Variants in USP22 observed in about 807,000 individuals in gnomAD.
USP22 encodes the protein ubiquitin specific peptidase 22.
USP22 carries 22 observed loss-of-function variants against 68.1 expected under a neutral mutation model. That is an observed-to-expected ratio of 0.32 (90% CI 0.23 to 0.46). The LOEUF (loss-of-function observed/expected upper bound fraction) is 0.46, where lower values mean the gene tolerates loss of function less well. Among genes scored for constraint, USP22 ranks in the 20% least tolerant of loss-of-function variants. The pLI is 1.00. For missense variants in USP22, 433 were observed against 695.8 expected (o/e 0.62, Z 4.25); for synonymous variants, 279 against 274.2 (o/e 1.02, Z -0.17).
At chr17:21,038,897 A>C (rs747580568) in intron 1 of USP22, among the ~76,000 whole-genome samples, 1 of 152,192 alleles carries the variant, frequency 6.6e-6, no homozygotes, top group Non-Finnish European at 1.5e-5. Flanking sequence ...TTTAACACAC[A>C]CCAAAAACAC....
Position 21,003,733 on chromosome 17 carries a change from C to G in USP22, c.1535+469G>C, listed in dbSNP as rs375953733. Among the ~76,000 whole-genome samples the G allele has an allele frequency of 7.2e-5, 11 of 152,230 alleles. No homozygotes were observed. In the South Asian group the frequency reaches 2.3e-3, roughly 32 times the overall value. ...CCTGGTCAACATGGTGAAACCCCAT[C>G]TCTACTAAAATACAAAAGTAGGCAG... On this transcript the variant is annotated intron_variant, in intron 12 of 12. Coordinates refer to ENST00000261497, the MANE Select transcript of USP22 (RefSeq NM_015276.2).
In USP22 at chr17:21,015,518, C is replaced by T. The variant is rs140808491; in HGVS notation, c.838+234G>A. 3.0e-4 allele frequency: 157 copies of T among 527,816 alleles called. 3 individuals carry two copies. The East Asian group carries it at 5.2e-3, about 17-fold the overall frequency. The allele number at this position is 527,816 out of a possible 1,614,324, so 32.7% of individuals were successfully genotyped here. A position where few individuals can be genotyped will look rare whatever the true frequency, so the allele number is the denominator to read the frequency against. On this transcript the variant is annotated intron_variant, in intron 6 of 12. Transcript: ENST00000261497. ...TTCACTGTGATCGGTCACTGAGGAC[C>T]TGTCATACTGCTGGAACTACTTCCT...
At chr17:21,030,813 A>G (rs1223781200) in intron 1 of USP22, among the ~76,000 whole-genome samples, 1 of 152,246 alleles carries the variant, frequency 6.6e-6, no homozygotes, top group Non-Finnish European at 1.5e-5. Context: ...TGAATCCTAT[A>G]CGCCAATTTT....
chr17:21,022,811 A>AC (rs1404357265), intron 2 of USP22, among the ~76,000 whole-genome samples: 1 of 149,692 alleles, frequency 6.7e-6, no homozygotes, highest in African/African-American at 2.4e-5. Flanking sequence ...AAAAAAAAAA[A>AC]AACCAAATGA....
chr17:21,010,663 CA>C (rs36003717), intron 8 of USP22, among the ~76,000 whole-genome samples: 1,568 of 107,444 alleles, frequency 0.015, 8 homozygotes, highest in Middle Eastern at 0.056. Context: ...AACTCTGTCT[CA>C]AAAAAAAAAA....
rs1972462710 is a variant in USP22 at position 21,042,992 on chromosome 17, C to T, written c.-157G>A. ...CCGGACAAAGATGGGGCTGCGCGAT[C>T]GCCGAGGGGAGGCTGCAAGGCAGGC... On this transcript the variant is annotated 5_prime_UTR_variant, in exon 1 of 13. Transcript: ENST00000261497. 1 of 367,414 alleles carries T rather than the reference C, an allele frequency of 2.7e-6. No individual in the cohort carries two copies. The highest frequency in any genetic ancestry group is 4.8e-5 in the East Asian group (1 of 20,650). The allele number at this position is 367,414 out of a possible 1,614,324, so 22.8% of individuals were successfully genotyped here.
intron 1 of USP22, among the ~76,000 whole-genome samples, chr17:21,037,307 T>TA (rs1262223645): frequency 2.0e-5 from 3 of 152,184 alleles, no homozygotes; most frequent in Non-Finnish European, 4.4e-5. Context: ...CCCACCCCGG[T>TA]AGAGTACCTA....
Position 21,002,051 on chromosome 17 carries a change from A to G in USP22, c.*980T>C, listed in dbSNP as rs2097282462. 1 of 152,260 alleles carries G rather than the reference A, an allele frequency of 6.6e-6. No homozygotes were observed. The highest frequency in any genetic ancestry group is 6.5e-5 in the Admixed American group (1 of 15,280). 9.4% of individuals were successfully genotyped at this position (152,260 alleles called of 1,614,324 possible). A position where few individuals can be genotyped will look rare whatever the true frequency, so the allele number is the denominator to read the frequency against. On this transcript the variant is annotated 3_prime_UTR_variant, in exon 13 of 13. Coordinates refer to ENST00000261497, the MANE Select transcript of USP22 (RefSeq NM_015276.2). ...GGCAGCGGTAGCCAGGCAATGGGAT[A>G]GAAGGCAAAGAAAATACGAGGGACA...
rs540657496 is a variant in USP22, at chr17:21,028,775, G to A, written c.172-101C>T. On this transcript the variant is annotated intron_variant, in intron 1 of 12. Transcript: ENST00000261497. The stretch of plus-strand genomic sequence containing the variant: ...CATCCCCCCGAGACAGCTACTGGAA[G>A]AAAGGACAGGGAATTCCATCTTCAA... 2.5e-5 allele frequency: 35 copies of A among 1,411,444 alleles called. No homozygotes were observed. The South Asian group carries it at 4.4e-4, about 18-fold the overall frequency. The allele number at this position is 1,411,444 out of a possible 1,614,324, so 87.4% of individuals were successfully genotyped here.
Position 21,028,541 on chromosome 17 carries a change from C to T in USP22, c.304+1G>A, listed in dbSNP as rs1438721946. 6.2e-7 allele frequency: 1 copy of T among 1,613,850 alleles called. No individual in the cohort carries two copies. The highest frequency in any genetic ancestry group is 1.7e-5 in the Admixed American group (1 of 59,994). On this transcript the variant is annotated splice_donor_variant, in intron 2 of 12. Transcript: ENST00000261497. LOFTEE classifies it high-confidence loss of function. ...CCCCCCATCCCAGAAGCTCGCCTCACCCAGGTTGTGCCGCTTCGCCTTCGC... is the reference window on the plus strand; with the variant it reads ...CCCCCCATCCCAGAAGCTCGCCTCATCCAGGTTGTGCCGCTTCGCCTTCGC...
intron 1 of USP22, among the ~76,000 whole-genome samples, chr17:21,032,048 C>A (rs1972297185): frequency 6.6e-6 from 1 of 152,226 alleles, no homozygotes; most frequent in Non-Finnish European, 1.5e-5. Context: ...CAATGGCGGT[C>A]CCAGAAGATT....
intron 6 of USP22, 170 bp downstream of exon 6, chr17:21,015,582 T>A: frequency 1.1e-6 from 1 of 942,774 alleles, no homozygotes; most frequent in Non-Finnish European, 1.5e-6. Flanking sequence ...CTCTCTGAGG[T>A]CATTAGTTAT....
intron 6 of USP22, among the ~76,000 whole-genome samples, chr17:21,014,011 T>C (rs1015635942): frequency 1.3e-5 from 2 of 152,070 alleles, no homozygotes; most frequent in African/African-American, 4.8e-5. Flanking sequence ...GAGGCGGAGG[T>C]TGCAGTGAGC....
intron 1 of USP22, among the ~76,000 whole-genome samples, chr17:21,034,032 A>G (rs1340466131): frequency 6.6e-6 from 1 of 152,072 alleles, no homozygotes; most frequent in Non-Finnish European, 1.5e-5. Flanking sequence ...TACAGGCATG[A>G]GCCACCGTGC....
intron 5 of USP22, among the ~76,000 whole-genome samples, chr17:21,017,556 C>A (rs551508634): frequency 2.6e-5 from 4 of 152,264 alleles, no homozygotes; most frequent in Non-Finnish European, 4.4e-5. Flanking sequence ...AGAGACCTGG[C>A]GGTGGAGGAG....
At chr17:21,007,250 C>G (rs1467408401) in intron 9 of USP22, among the ~76,000 whole-genome samples, 1 of 152,090 alleles carries the variant, frequency 6.6e-6, no homozygotes, top group Non-Finnish European at 1.5e-5. Flanking sequence ...TACAGCAAAC[C>G]CAGCAAAGCA....
intron 6 of USP22, 117 bp from the exon 7 acceptor site, chr17:21,013,052 C>G: frequency 1.3e-6 from 1 of 769,760 alleles, no homozygotes; most frequent in Non-Finnish European, 2.2e-6. Context: ...TTTAAAAGGC[C>G]ATGTGAGGAC....
chr17:21,022,415 T>C (rs1345154137), intron 2 of USP22, among the ~76,000 whole-genome samples: 1 of 152,200 alleles, frequency 6.6e-6, no homozygotes, highest in Non-Finnish European at 1.5e-5. Flanking sequence ...ACTAATAGTT[T>C]GGGCTCTTAA....
At position 21,004,269 on chromosome 17, in the gene USP22, G is replaced by C. The variant is rs1567789062; in HGVS notation, c.1468C>G (p.Gln490Glu). 6.2e-7 allele frequency: 1 copy of C among 1,614,166 alleles called. No homozygotes were observed. The highest frequency in any genetic ancestry group is 8.5e-7 in the Non-Finnish European group (1 of 1,180,032). The change falls in exon 12 of 13, where the codon CAG (glutamine) becomes GAG (glutamate). Residue 490 changes from glutamine (Q) to glutamate (E), a missense_variant. Around this residue, in one of 4 missense-constraint regions of USP22, gnomAD observed 178 missense variants for 351.5 expected, o/e 0.51. Transcript: ENST00000261497. ...YTSFIRQHKD[Q>E]WFKCDDAIIT... is the part of the protein sequence containing the mutation. ...ATGGCATCGTCACACTTGAACCACTGGTCTTTGTGCTGCCGGATAAAGCTG... is the reference window on the plus strand; with the variant it reads ...ATGGCATCGTCACACTTGAACCACTCGTCTTTGTGCTGCCGGATAAAGCTG...
Sources: allele counts gnomAD v4.1 joint callset (sites outside exome capture counted in the v4.1 genomes callset), GRCh38; gene constraint gnomAD v4.1.1; regional missense constraint gnomAD v4.1.1; transcripts MANE v1.5; gene names NCBI Gene and HGNC (gene_info 2026-07-23, HGNC 2026-07-21).